FOXP2: variants seen among roughly 807,000 people sequenced by gnomAD.
FOXP2 encodes the protein forkhead box protein P2.
In FOXP2, 12 loss-of-function variants were observed where a neutral mutation model predicts 115.8. The ratio of observed to expected loss-of-function variants is 0.10; its 90% confidence interval spans 0.07 to 0.17. The LOEUF (loss-of-function observed/expected upper bound fraction) is 0.17. Among genes scored for constraint, FOXP2 ranks in the 10% least tolerant of loss-of-function variants. The pLI, the probability that FOXP2 is intolerant of heterozygous loss-of-function variation, is 1.00. For synonymous variants in FOXP2, 328 were observed against 297.7 expected, an observed-to-expected ratio of 1.10 and a Z score of -1.05; for missense variants, 629 against 843.5, an observed-to-expected ratio of 0.75 and a Z score of 3.15.
At chr7:114,263,711 T>C (rs1410469268) in intron 1 of FOXP2, among the ~76,000 whole-genome samples, 1 of 151,348 alleles carries the variant, frequency 6.6e-6, no homozygotes, top group Non-Finnish European at 1.5e-5. Flanking sequence ...TTTGTAACTG[T>C]TATGGTTCCT....
rs573614603 is a variant in FOXP2 at position 114,235,592 on chromosome 7, C to A, written c.-101-52427C>A. Among the ~76,000 whole-genome samples, 190 of 152,244 alleles carry A rather than the reference C, an allele frequency of 1.2e-3. 1 individual carries two copies. Among genetic ancestry groups the A allele is most frequent in the African/African-American group, 4.4e-3 (183 of 41,546 alleles). The stretch of plus-strand genomic sequence containing the variant: ...TAGTACACTGAATTTCTATTTTATA[C>A]AACATCTTTATTTGCTTTGAAGATA... On this transcript the variant is annotated intron_variant, in intron 1 of 17. Coordinates refer to the FOXP2 transcript ENST00000634411.
intron 3 of FOXP2, among the ~76,000 whole-genome samples, chr7:114,608,673 T>C (rs187403412): frequency 6.6e-6 from 1 of 152,330 alleles, no homozygotes. Context: ...TAGGGGACAC[T>C]TCACCTGAGT....
intron 1 of FOXP2, among the ~76,000 whole-genome samples, chr7:114,136,658 G>C (rs1792046887): frequency 6.6e-6 from 1 of 150,694 alleles, no homozygotes; most frequent in Non-Finnish European, 1.5e-5. Flanking sequence ...AGGCCATTTA[G>C]ATAAATGAGT....
intron 3 of FOXP2, among the ~76,000 whole-genome samples, chr7:114,584,702 C>A (rs960652375): frequency 6.6e-6 from 1 of 152,148 alleles, no homozygotes; most frequent in African/African-American, 2.4e-5. Context: ...CATGGCTTTG[C>A]CCACTCAAGT....
At chr7:114,291,861 A>G (rs1049153206) in intron 2 of FOXP2, among the ~76,000 whole-genome samples, 5 of 142,068 alleles carry the variant, frequency 3.5e-5, no homozygotes, top group African/African-American at 7.8e-5. Flanking sequence ...AACATTTTAT[A>G]TATAATATAT....
At chr7:114,508,704 T>C (rs1480777539) in intron 2 of FOXP2, among the ~76,000 whole-genome samples, 2 of 152,072 alleles carry the variant, frequency 1.3e-5, no homozygotes, top group Non-Finnish European at 2.9e-5. Context: ...TTGAATTTTA[T>C]AAGGTTAGAA....
intron 2 of FOXP2, among the ~76,000 whole-genome samples, chr7:114,384,514 A>G (rs967260742): frequency 5.3e-5 from 8 of 152,074 alleles, no homozygotes; most frequent in Non-Finnish European, 8.8e-5. Context: ...CTGAATACCC[A>G]TTGTATTCAG....
intron 2 of FOXP2, among the ~76,000 whole-genome samples, chr7:114,340,355 C>T (rs1791172354): frequency 1.3e-5 from 2 of 151,026 alleles, no homozygotes; most frequent in Admixed American, 6.6e-5. Context: ...CATGTATAGA[C>T]ACACTAAGGG....
At chr7:114,480,593 A>G (rs1796483600) in intron 2 of FOXP2, among the ~76,000 whole-genome samples, 1 of 150,322 alleles carries the variant, frequency 6.7e-6, no homozygotes, top group African/African-American at 2.4e-5. Flanking sequence ...ATATACATAT[A>G]CATTCATATA....
At chr7:114,641,901 G>C (rs1233037521) in intron 6 of FOXP2, among the ~76,000 whole-genome samples, 1 of 151,944 alleles carries the variant, frequency 6.6e-6, no homozygotes, top group Non-Finnish European at 1.5e-5. Flanking sequence ...TGCCTCCCAG[G>C]TTCAGGCAAT....
chr7:114,604,739 G>C (rs1053543496), intron 3 of FOXP2, among the ~76,000 whole-genome samples: 1 of 152,088 alleles, frequency 6.6e-6, no homozygotes, highest in Non-Finnish European at 1.5e-5. Flanking sequence ...AAATTCTGTG[G>C]TCACCCCATT....
chr7:114,495,935 G>A (rs1289255366), intron 2 of FOXP2, among the ~76,000 whole-genome samples: 1 of 151,946 alleles, frequency 6.6e-6, no homozygotes, highest in Admixed American at 6.6e-5. Context: ...AATTTTAGTT[G>A]CCAAAACATT....
intron 2 of FOXP2, among the ~76,000 whole-genome samples, chr7:114,525,003 T>C (rs748153552): frequency 6.6e-6 from 1 of 152,178 alleles, no homozygotes. Context: ...CAAAATATCA[T>C]AGAACATGAC....
At chr7:114,295,646 T>A (rs534001810) in intron 2 of FOXP2, among the ~76,000 whole-genome samples, 1 of 152,252 alleles carries the variant, frequency 6.6e-6, no homozygotes. Flanking sequence ...GGACTATTAC[T>A]GTAGGTGTCA....
At chr7:114,633,732 C>T (rs1207897364) in intron 6 of FOXP2, among the ~76,000 whole-genome samples, 1 of 152,152 alleles carries the variant, frequency 6.6e-6, no homozygotes, top group Non-Finnish European at 1.5e-5. Context: ...GTAAAGGAAC[C>T]TAGCGTTACG....
chr7:114,430,575 A>G (rs1794061752), intron 2 of FOXP2, among the ~76,000 whole-genome samples: 1 of 151,838 alleles, frequency 6.6e-6, no homozygotes, highest in South Asian at 2.1e-4. Flanking sequence ...ATCTTCACAC[A>G]TGACCTTTTA....
intron 1 of FOXP2, among the ~76,000 whole-genome samples, chr7:114,118,610 T>C (rs2129143313): frequency 6.6e-6 from 1 of 152,212 alleles, no homozygotes; most frequent in South Asian, 2.1e-4. Flanking sequence ...GCCTATAGTT[T>C]TTAATTGGCT....
intron 1 of FOXP2, among the ~76,000 whole-genome samples, chr7:114,232,546 G>A (rs1483212390): frequency 6.6e-6 from 1 of 152,128 alleles, no homozygotes. Flanking sequence ...CGGCAGGGTG[G>A]CTCATGCCTG....
chr7:114,576,854 A>G (rs1331499454), intron 3 of FOXP2, among the ~76,000 whole-genome samples: 2 of 151,898 alleles, frequency 1.3e-5, no homozygotes, highest in African/African-American at 4.8e-5. Context: ...TTCCCTGTCT[A>G]TTTCCACATC....
Sources: gnomAD v4.1 joint callset for allele counts (sites outside exome capture counted in the v4.1 genomes callset) on GRCh38, gnomAD v4.1.1 for gene constraint, MANE v1.5 for transcripts, NCBI Gene and HGNC (gene_info 2026-07-23, HGNC 2026-07-21) for gene names.